LINGO2: variants seen among roughly 807,000 people sequenced by gnomAD.
LINGO2 encodes the protein leucine rich repeat and Ig domain containing 2.
In LINGO2, 14 loss-of-function variants were observed where a neutral mutation model predicts 30.6. That is an observed-to-expected ratio of 0.46 (90% CI 0.30 to 0.72). The LOEUF is 0.72. Among genes scored for constraint, LINGO2 ranks in the 30% least tolerant of loss-of-function variants. The pLI is 0.07. For synonymous variants in LINGO2, 317 were observed against 288.5 expected (o/e 1.10, Z -1.00); for missense variants, 729 against 751.7 (o/e 0.97, Z 0.35).
intron 3 of LINGO2, among the ~76,000 whole-genome samples, chr9:28,370,438 G>C (rs1820850673): frequency 6.6e-6 from 1 of 151,958 alleles, no homozygotes; most frequent in African/African-American, 2.4e-5. Flanking sequence ...ATTCTACAAA[G>C]AATATGAGTG....
chr9:29,208,568 A>G, the LINGO2 span, among the ~76,000 whole-genome samples: 1 of 152,112 alleles, frequency 6.6e-6, no homozygotes, highest in African/African-American at 2.4e-5. Flanking sequence ...TCCATGATGC[A>G]TTACTGAAGT....
At chr9:28,797,866 G>C in the LINGO2 span, among the ~76,000 whole-genome samples, 1 of 152,032 alleles carries the variant, frequency 6.6e-6, no homozygotes, top group Admixed American at 6.6e-5. Context: ...GGAGCACTCA[G>C]TATTTTAGGG....
the LINGO2 span, among the ~76,000 whole-genome samples, chr9:28,680,209 T>C: frequency 1.2e-4 from 19 of 152,196 alleles, 1 homozygote; most frequent in Admixed American, 3.3e-4. Flanking sequence ...AGTGAGATCA[T>C]GATATACTGG....
chr9:28,948,660 G>A, the LINGO2 span, among the ~76,000 whole-genome samples: 1 of 151,898 alleles, frequency 6.6e-6, no homozygotes, highest in Non-Finnish European at 1.5e-5. Context: ...CCCTTTAATA[G>A]CTATTTTGGT....
chr9:28,832,966 C>T, the LINGO2 span, among the ~76,000 whole-genome samples: 2 of 62,052 alleles, frequency 3.2e-5, no homozygotes, highest in East Asian at 5.3e-4. Context: ...TGACGTAGTA[C>T]ATTTTTTGAT....
At chr9:29,053,615 G>A in the LINGO2 span, among the ~76,000 whole-genome samples, 1 of 152,104 alleles carries the variant, frequency 6.6e-6, no homozygotes, top group African/African-American at 2.4e-5. Context: ...AGGTAATACA[G>A]AATATGATTT....
intron 2 of LINGO2, among the ~76,000 whole-genome samples, chr9:28,395,454 G>A (rs928409320): frequency 6.6e-6 from 1 of 151,970 alleles, no homozygotes; most frequent in East Asian, 1.9e-4. Context: ...GGATATTGTT[G>A]CATAAAGTAT....
the LINGO2 span, chr9:28,888,866 T>C: frequency 1.1e-4 from 57 of 533,718 alleles, 5 homozygotes; most frequent in South Asian, 8.0e-4. Context: ...GCAGTAGAAA[T>C]GAGTAGGAAG....
chr9:28,477,098 G>A (rs985403070), intron 1 of LINGO2, among the ~76,000 whole-genome samples: 3 of 152,056 alleles, frequency 2.0e-5, no homozygotes. Flanking sequence ...TCTCTCAAAA[G>A]AACTATAATG....
the LINGO2 span, among the ~76,000 whole-genome samples, chr9:28,887,235 T>C: frequency 6.6e-6 from 1 of 152,070 alleles, no homozygotes; most frequent in African/African-American, 2.4e-5. Context: ...ACATATAAGT[T>C]CCATGTTATT....
At chr9:28,779,059 T>C in the LINGO2 span, among the ~76,000 whole-genome samples, 1 of 152,218 alleles carries the variant, frequency 6.6e-6, no homozygotes, top group Non-Finnish European at 1.5e-5. Flanking sequence ...TTTTATAATA[T>C]GCTTGTGCTT....
chr9:29,177,810 T>C, the LINGO2 span, among the ~76,000 whole-genome samples: 4,581 of 152,168 alleles, frequency 0.03, 222 homozygotes, highest in African/African-American at 0.1. Context: ...TATCATCATG[T>C]TGAAAATTGT....
At chr9:29,155,665 T>C in the LINGO2 span, among the ~76,000 whole-genome samples, 6 of 151,994 alleles carry the variant, frequency 3.9e-5, no homozygotes, top group Non-Finnish European at 5.9e-5. Context: ...TGGAATAATT[T>C]ACTGTAAAAA....
chr9:28,054,716 G>A (rs776519382), intron 4 of LINGO2, among the ~76,000 whole-genome samples: 24 of 152,036 alleles, frequency 1.6e-4, no homozygotes, highest in African/African-American at 5.1e-4. Flanking sequence ...ATAAGTTTAA[G>A]TTAAAAACCC....
At chr9:27,975,969 C>T (rs1820574371) in intron 5 of LINGO2, among the ~76,000 whole-genome samples, 1 of 152,092 alleles carries the variant, frequency 6.6e-6, no homozygotes, top group Non-Finnish European at 1.5e-5. Context: ...TATTAGGCCT[C>T]ATTTTGAGGG....
the LINGO2 span, among the ~76,000 whole-genome samples, chr9:28,689,242 C>T: frequency 6.3e-3 from 957 of 152,244 alleles, 24 homozygotes; most frequent in Admixed American, 0.035. Flanking sequence ...AAACTTATGA[C>T]CACCCCTAGC....
the LINGO2 span, among the ~76,000 whole-genome samples, chr9:28,943,839 G>T: frequency 6.6e-6 from 1 of 152,122 alleles, no homozygotes; most frequent in Non-Finnish European, 1.5e-5. Flanking sequence ...TAATATCTAG[G>T]CAATCACAGT....
intron 4 of LINGO2, among the ~76,000 whole-genome samples, chr9:28,278,870 T>C (rs543987815): frequency 6.6e-6 from 1 of 152,178 alleles, no homozygotes; most frequent in South Asian, 2.1e-4. Context: ...CCTCTGATGG[T>C]TATGAACAAG....
At chr9:29,044,727 T>A in the LINGO2 span, among the ~76,000 whole-genome samples, 3 of 152,116 alleles carry the variant, frequency 2.0e-5, no homozygotes, top group Non-Finnish European at 4.4e-5. Flanking sequence ...AAATAAAATA[T>A]AGAAGTCCCT....
Sources: allele counts gnomAD v4.1 joint callset (sites outside exome capture counted in the v4.1 genomes callset), GRCh38; gene constraint gnomAD v4.1.1; transcripts MANE v1.5; gene names NCBI Gene and HGNC (gene_info 2026-07-23, HGNC 2026-07-21).